Variants in FAM107B observed in about 807,000 individuals in gnomAD.
The protein encoded by FAM107B is family with sequence similarity 107 member B, also known as protein FAM107B.
Under a neutral mutation model 31.5 loss-of-function variants are expected in FAM107B, and 21 were observed. The observed-to-expected ratio is 0.67, with a 90% CI of 0.47 to 0.96. The LOEUF (loss-of-function observed/expected upper bound fraction) is 0.96, where lower values mean the gene tolerates loss of function less well. Ranked by LOEUF, FAM107B falls within the 40% of genes least tolerant of loss-of-function variation. The pLI, the probability that FAM107B is intolerant of heterozygous loss-of-function variation, is 0.00. For missense variants in FAM107B, 452 were observed against 377.1 expected (o/e 1.20, Z -1.64); for synonymous variants, 157 against 141.5 (o/e 1.11, Z -0.78).
intron 2 of FAM107B, among the ~76,000 whole-genome samples, chr10:14,659,952 G>A (rs1427230609): frequency 6.6e-6 from 1 of 152,056 alleles, no homozygotes; most frequent in Admixed American, 6.5e-5. Flanking sequence ...AATTTTAACT[G>A]TTTGGGGTTC....
At chr10:14,691,198 GC>G in intron 1 of FAM107B, among the ~76,000 whole-genome samples, 1 of 152,272 alleles carries the variant, frequency 6.6e-6, no homozygotes, top group East Asian at 1.9e-4. Context: ...CCCGTACCCA[GC>G]CCTAAACTAT....
At chr10:14,601,833 C>T (rs1037582636) in intron 2 of FAM107B, among the ~76,000 whole-genome samples, 6 of 152,188 alleles carry the variant, frequency 3.9e-5, no homozygotes, top group African/African-American at 1.4e-4. Flanking sequence ...AGTCTTCTAC[C>T]CCTCCACCAT....
intron 1 of FAM107B, among the ~76,000 whole-genome samples, chr10:14,679,640 A>C (rs1854780034): frequency 6.6e-6 from 1 of 152,188 alleles, no homozygotes; most frequent in Non-Finnish European, 1.5e-5. Flanking sequence ...AACCGAATTC[A>C]AGCTAAGGTG....
intron 2 of FAM107B, among the ~76,000 whole-genome samples, chr10:14,621,659 C>T (rs1483600972): frequency 6.6e-6 from 1 of 152,156 alleles, no homozygotes; most frequent in African/African-American, 2.4e-5. Context: ...CCCTAGGTTC[C>T]CAGACTAGAA....
At chr10:14,571,703 T>G in intron 2 of FAM107B, 1 of 901,086 alleles carries the variant, frequency 1.1e-6, no homozygotes, top group Non-Finnish European at 1.3e-6. Flanking sequence ...CACACAACAT[T>G]TTCTAGAGAA....
intron 2 of FAM107B, among the ~76,000 whole-genome samples, chr10:14,560,283 G>A (rs1261474737): frequency 6.6e-5 from 10 of 151,876 alleles, no homozygotes; most frequent in Admixed American, 6.6e-4. Flanking sequence ...AGATGTACAA[G>A]AACAACTCCA....
At chr10:14,532,906 G>T (rs145662497) in intron 2 of FAM107B, among the ~76,000 whole-genome samples, 1 of 152,178 alleles carries the variant, frequency 6.6e-6, no homozygotes, top group Non-Finnish European at 1.5e-5. Flanking sequence ...ACAGAAGAGC[G>T]GGCCGTGATC....
At chr10:14,742,915 A>G (rs76868373) in intron 1 of FAM107B, among the ~76,000 whole-genome samples, 4 of 152,102 alleles carry the variant, frequency 2.6e-5, no homozygotes, top group East Asian at 1.9e-4. Flanking sequence ...AAGGTCACCA[A>G]TGACGTCTTT....
At position 14,597,899 on chromosome 10, in the gene FAM107B, G is replaced by A. The variant is rs563169758; in HGVS notation, c.470-67384C>T. On this transcript the variant is annotated intron_variant, in intron 2 of 4. Transcript: ENST00000181796. ...CAGGAGGTGGAGGTTGCAGTGAGCCGAGATGGCACCACTGCACTCCAGCCT... is the reference window on the plus strand; with the variant it reads ...CAGGAGGTGGAGGTTGCAGTGAGCCAAGATGGCACCACTGCACTCCAGCCT... 5.7e-3 allele frequency among the ~76,000 whole-genome samples: 872 copies of A among 152,238 alleles called. 8 individuals carry two copies. The highest frequency in any genetic ancestry group is 0.02 in the African/African-American group (838 of 41,520).
intron 1 of FAM107B, among the ~76,000 whole-genome samples, chr10:14,719,501 C>T (rs1855861859): frequency 6.6e-6 from 1 of 152,118 alleles, no homozygotes; most frequent in African/African-American, 2.4e-5. Flanking sequence ...TACAAATGGG[C>T]TAGCCATTTG....
At chr10:14,754,432 C>T (rs958283841) in intron 1 of FAM107B, among the ~76,000 whole-genome samples, 1 of 152,156 alleles carries the variant, frequency 6.6e-6, no homozygotes, top group Non-Finnish European at 1.5e-5. Flanking sequence ...GGTCTTATCC[C>T]TTAAACACGA....
intron 2 of FAM107B, among the ~76,000 whole-genome samples, chr10:14,619,162 T>C (rs1413402393): frequency 6.6e-6 from 1 of 152,176 alleles, no homozygotes; most frequent in Non-Finnish European, 1.5e-5. Context: ...CCACCAGAAG[T>C]GCGAGAAATA....
chr10:14,668,129 A>G (rs1452456565), intron 1 of FAM107B, among the ~76,000 whole-genome samples: 1 of 151,710 alleles, frequency 6.6e-6, no homozygotes, highest in African/African-American at 2.4e-5. Context: ...GCAACCTCCA[A>G]CTCCCTGGTT....
rs184367278 is a variant in FAM107B at position 14,758,976 on chromosome 10, C to T, written c.411+15277G>A. ...GGTGGATCACCTGAGGTTGGGAGTT[C>T]GAGACCAGCCTGACCAACATGGAGA... On this transcript the variant is annotated intron_variant, in intron 1 of 4. Coordinates refer to ENST00000181796, the MANE Select transcript of FAM107B (RefSeq NM_031453.4). 2.2e-4 allele frequency among the ~76,000 whole-genome samples: 33 copies of T among 149,988 alleles called. No individual in the cohort carries two copies. In the East Asian group the frequency reaches 5.9e-3, roughly 27 times the overall value.
chr10:14,605,079 G>A (rs1350815757), intron 2 of FAM107B, among the ~76,000 whole-genome samples: 3 of 152,142 alleles, frequency 2.0e-5, no homozygotes, highest in South Asian at 4.1e-4. Flanking sequence ...GGAAGAAAAC[G>A]CAGACAGAAT....
chr10:14,682,361 T>G (rs1462295170), intron 1 of FAM107B, among the ~76,000 whole-genome samples: 1 of 152,022 alleles, frequency 6.6e-6, no homozygotes, highest in Non-Finnish European at 1.5e-5. Flanking sequence ...AAACCTCGCC[T>G]CTACTAAAAA....
intron 2 of FAM107B, among the ~76,000 whole-genome samples, chr10:14,651,084 G>A (rs1361714090): frequency 6.6e-6 from 1 of 152,176 alleles, no homozygotes; most frequent in East Asian, 1.9e-4. Flanking sequence ...AATTAAGCAA[G>A]CTGTACTAGA....
intron 2 of FAM107B, among the ~76,000 whole-genome samples, chr10:14,566,436 A>G (rs559698508): frequency 2.6e-5 from 4 of 152,140 alleles, no homozygotes; most frequent in Non-Finnish European, 4.4e-5. Context: ...CCCACGTCCC[A>G]CAACTGCAGG....
intron 2 of FAM107B, among the ~76,000 whole-genome samples, chr10:14,621,903 G>T (rs1442091856): frequency 6.6e-6 from 1 of 152,190 alleles, no homozygotes; most frequent in Non-Finnish European, 1.5e-5. Flanking sequence ...AGTTAAGAGA[G>T]GGTCTGCCAA....
Sources: allele counts gnomAD v4.1 joint callset (sites outside exome capture counted in the v4.1 genomes callset), GRCh38; gene constraint gnomAD v4.1.1; transcripts MANE v1.5; gene names NCBI Gene and HGNC (gene_info 2026-07-23, HGNC 2026-07-21).